NEK6: variants seen among roughly 807,000 people sequenced by gnomAD.
The protein encoded by NEK6 is serine/threonine-protein kinase Nek6.
A neutral mutation model predicts 43.5 loss-of-function variants in NEK6; 27 were observed. The observed-to-expected ratio is 0.62, with a 90% CI of 0.46 to 0.86. The LOEUF (loss-of-function observed/expected upper bound fraction) is 0.86, where lower values mean the gene tolerates loss of function less well. NEK6 is among the 40% of genes least tolerant of loss of function. The pLI is 0.00. For synonymous variants in NEK6, 167 were observed against 164.1 expected (o/e 1.02, Z -0.14); for missense variants, 318 against 414.4 (o/e 0.77, Z 2.02).
intron 1 of NEK6, among the ~76,000 whole-genome samples, chr9:124,281,638 T>C (rs1253127923): frequency 6.6e-6 from 1 of 151,732 alleles, no homozygotes; most frequent in East Asian, 1.9e-4. Flanking sequence ...GTAGCTGGGA[T>C]TACAGGTGCC....
intron 6 of NEK6, among the ~76,000 whole-genome samples, chr9:124,327,073 G>A (rs1564650161): frequency 6.6e-6 from 1 of 152,214 alleles, no homozygotes; most frequent in East Asian, 1.9e-4. Flanking sequence ...TCTAGAGCAG[G>A]AAACAGGAGC....
intron 9 of NEK6, among the ~76,000 whole-genome samples, chr9:124,348,430 C>T (rs1830066868): frequency 6.6e-6 from 1 of 152,154 alleles, no homozygotes; most frequent in Non-Finnish European, 1.5e-5. Context: ...GAAGATGGGA[C>T]TAATAATCTC....
At chr9:124,295,450 C>T (rs961287715) in intron 1 of NEK6, among the ~76,000 whole-genome samples, 1 of 152,222 alleles carries the variant, frequency 6.6e-6, no homozygotes, top group Admixed American at 6.5e-5. Context: ...AAGGGCCCAG[C>T]AGCCAGAGCC....
chr9:124,293,955 A>G (rs577329960), intron 1 of NEK6, among the ~76,000 whole-genome samples: 1 of 151,616 alleles, frequency 6.6e-6, no homozygotes, highest in African/African-American at 2.4e-5. Context: ...CTGGCTGCCC[A>G]CTGTGTGCTC....
At position 124,350,902 on chromosome 9, in the gene NEK6, G is replaced by A. The variant is rs528801180; in HGVS notation, c.897G>A (p.Val299=). The change falls in exon 10 of 10, where the codon GTG becomes GTA. Residue 299 remains valine (V), a synonymous_variant. Coordinates refer to ENST00000320246, the MANE Select transcript of NEK6 (RefSeq NM_014397.6). ...DPHQRPDIGY[V]HQVAKQMHIW... ...ACCAGAGACCTGACATCGGATACGT[G>A]CACCAGGTGGCCAAGCAGATGCACA... The A allele has an allele frequency of 8.7e-6, 14 of 1,611,694 alleles. No individual in the cohort carries two copies. In the African/African-American group the frequency reaches 1.7e-4, roughly 20 times the overall value.
intron 1 of NEK6, among the ~76,000 whole-genome samples, chr9:124,281,879 A>G (rs1218296965): frequency 1.3e-5 from 2 of 152,062 alleles, no homozygotes; most frequent in African/African-American, 2.4e-5. Flanking sequence ...ACCTATGTCT[A>G]TCTTCAAAAT....
intron 1 of NEK6, among the ~76,000 whole-genome samples, chr9:124,281,202 G>A (rs920251612): frequency 1.3e-5 from 2 of 152,190 alleles, no homozygotes; most frequent in Admixed American, 6.5e-5. Context: ...CCAGTACTCC[G>A]AGAGTGTTCA....
intron 2 of NEK6, among the ~76,000 whole-genome samples, chr9:124,306,646 C>A (rs949586345): frequency 2.4e-4 from 37 of 152,184 alleles, no homozygotes; most frequent in African/African-American, 8.7e-4. Flanking sequence ...GGTCCAGGCC[C>A]ATGGGACCCC....
At chr9:124,328,734 G>A (rs946566329) in intron 7 of NEK6, among the ~76,000 whole-genome samples, 4 of 152,222 alleles carry the variant, frequency 2.6e-5, no homozygotes, top group Non-Finnish European at 4.4e-5. Flanking sequence ...GACTCTCAGC[G>A]CGTCACACAC....
At chr9:124,311,764 A>C (rs1361435236) in intron 2 of NEK6, among the ~76,000 whole-genome samples, 1 of 152,204 alleles carries the variant, frequency 6.6e-6, no homozygotes, top group Non-Finnish European at 1.5e-5. Flanking sequence ...ATCTCTGCTC[A>C]CTGCAACCTC....
intron 4 of NEK6, 77 bp downstream of exon 4, chr9:124,314,062 A>AT: frequency 7.6e-7 from 1 of 1,314,482 alleles, no homozygotes; most frequent in Non-Finnish European, 1.1e-6. Flanking sequence ...CATCATGTCC[A>AT]TCACAGCCCT....
chr9:124,317,203 C>G (rs1380433006), intron 4 of NEK6, among the ~76,000 whole-genome samples: 1 of 152,198 alleles, frequency 6.6e-6, no homozygotes, highest in African/African-American at 2.4e-5. Context: ...GGCCAGTGTT[C>G]GCGCAGGACG....
intron 1 of NEK6, among the ~76,000 whole-genome samples, chr9:124,290,144 G>T (rs189372114): frequency 1.6e-4 from 24 of 152,350 alleles, no homozygotes; most frequent in Admixed American, 1.6e-3. Flanking sequence ...CCACCTGGAT[G>T]CACTGAGGTG....
At chr9:124,340,933 G>A (rs1829579058) in intron 8 of NEK6, among the ~76,000 whole-genome samples, 1 of 152,198 alleles carries the variant, frequency 6.6e-6, no homozygotes, top group African/African-American at 2.4e-5. Flanking sequence ...GTGGCCAGGG[G>A]GTCTTGTGGC....
At chr9:124,272,182 G>A (rs937517841) in intron 1 of NEK6, among the ~76,000 whole-genome samples, 2 of 152,240 alleles carry the variant, frequency 1.3e-5, no homozygotes, top group African/African-American at 4.8e-5. Context: ...GGAGCTTGGT[G>A]GCCCCTGTGA....
chr9:124,290,616 G>C (rs1186923337), intron 1 of NEK6, among the ~76,000 whole-genome samples: 3 of 152,250 alleles, frequency 2.0e-5, no homozygotes, highest in Admixed American at 6.5e-5. Context: ...TGCTGGCCAC[G>C]GAGAGCCCCT....
chr9:124,327,352 A>C lies in NEK6; in HGVS notation c.529A>C (p.Asn177His). 6.2e-7 allele frequency: 1 copy of C among 1,613,854 alleles called. No individual in the cohort carries two copies. Among genetic ancestry groups the C allele is most frequent in the Non-Finnish European group, 8.5e-7 (1 of 1,179,978 alleles). Reference sequence around the variant, plus strand: ...TCGCCCTGCAGACATCAAGCCTGCCAACGTGTTCATCACAGCCACGGGCGT... The same window carrying C: ...TCGCCCTGCAGACATCAAGCCTGCCCACGTGTTCATCACAGCCACGGGCGT... ...RVMHRDIKPA[N>H]VFITATGVVK... is the part of the protein sequence containing the mutation. The change falls in exon 7 of 10, where the codon AAC becomes CAC. Residue 177 changes from asparagine to histidine, a missense_variant. Asn to His is a moderately conservative substitution (Grantham distance 68, BLOSUM62 1). Coordinates refer to ENST00000320246, the MANE Select transcript of NEK6 (RefSeq NM_014397.6).
chr9:124,286,795 C>G (rs1209192475), intron 1 of NEK6, among the ~76,000 whole-genome samples: 3 of 152,208 alleles, frequency 2.0e-5, no homozygotes, highest in African/African-American at 7.2e-5. Context: ...AGGCTGCCAG[C>G]CTAGGGTGTG....
intron 2 of NEK6, 133 bp from the exon 3 acceptor site, chr9:124,312,376 C>G: frequency 8.9e-7 from 1 of 1,122,158 alleles, no homozygotes; most frequent in Non-Finnish European, 1.2e-6. Flanking sequence ...TGGGAGGCTC[C>G]CAGAGCAGGG....
Sources: allele counts gnomAD v4.1 joint callset (sites outside exome capture counted in the v4.1 genomes callset), GRCh38; gene constraint gnomAD v4.1.1; transcripts MANE v1.5; gene names NCBI Gene and HGNC (gene_info 2026-07-23, HGNC 2026-07-21).